The following KCNH7 variants were observed in gnomAD, a reference collection of about 807,000 sequenced individuals.
KCNH7 encodes potassium voltage-gated channel subfamily H member 7, also known as voltage-gated inwardly rectifying potassium channel KCNH7.
A neutral mutation model predicts 120.8 loss-of-function variants in KCNH7; 49 were observed. The ratio of observed to expected loss-of-function variants is 0.41; its 90% CI spans 0.32 to 0.51. KCNH7 has a LOEUF of 0.51. Ranked by LOEUF, KCNH7 falls within the 20% of genes least tolerant of loss-of-function variation. The probability of loss-of-function intolerance (pLI) is 0.38; values close to 1 mark genes in which losing one functional copy is unlikely to be tolerated. For missense variants in KCNH7, 1,097 were observed against 1,446.6 expected (o/e 0.76, Z 3.92); for synonymous variants, 547 against 516.1 (o/e 1.06, Z -0.81).
chr2:162,657,499 T>C (rs1251978081), intron 2 of KCNH7, among the ~76,000 whole-genome samples: 1 of 152,236 alleles, frequency 6.6e-6, no homozygotes, highest in Non-Finnish European at 1.5e-5. Flanking sequence ...TGAAAGCTTT[T>C]TATTACTATT....
At chr2:162,567,437 G>A (rs947823209) in intron 2 of KCNH7, among the ~76,000 whole-genome samples, 1 of 151,930 alleles carries the variant, frequency 6.6e-6, no homozygotes, top group Non-Finnish European at 1.5e-5. Context: ...CATACATGTT[G>A]ATTTTCTGTA....
intron 2 of KCNH7, among the ~76,000 whole-genome samples, chr2:162,598,096 G>A (rs945053486): frequency 1.3e-5 from 2 of 151,942 alleles, no homozygotes; most frequent in Non-Finnish European, 2.9e-5. Context: ...CTTAGAGATA[G>A]CTGATAACAG....
At chr2:162,463,809 A>T (rs564609586) in intron 6 of KCNH7, among the ~76,000 whole-genome samples, 2 of 151,274 alleles carry the variant, frequency 1.3e-5, no homozygotes, top group African/African-American at 4.9e-5. Context: ...TATAACAAAA[A>T]AGTAAAAAAA....
chr2:162,385,791 C>G (rs1161557417), intron 12 of KCNH7, among the ~76,000 whole-genome samples: 6 of 151,888 alleles, frequency 4.0e-5, no homozygotes, highest in Non-Finnish European at 4.4e-5. Context: ...TCCATCCACT[C>G]TACGCCTCAG....
intron 2 of KCNH7, among the ~76,000 whole-genome samples, chr2:162,628,375 C>T (rs974282462): frequency 1.3e-5 from 2 of 152,076 alleles, no homozygotes; most frequent in African/African-American, 4.8e-5. Context: ...TGATGCCTTA[C>T]CCCATCCTTT....
chr2:162,777,679 A>G (rs1683296588), intron 2 of KCNH7, among the ~76,000 whole-genome samples: 1 of 152,134 alleles, frequency 6.6e-6, no homozygotes, highest in African/African-American at 2.4e-5. Context: ...TCCTCATTAT[A>G]CAAAGAAGAA....
chr2:162,377,768 C>A (rs938596344), intron 14 of KCNH7, among the ~76,000 whole-genome samples: 1 of 152,138 alleles, frequency 6.6e-6, no homozygotes, highest in Non-Finnish European at 1.5e-5. Flanking sequence ...ACTACTTTCA[C>A]AGCAGCAATT....
At chr2:162,722,347 C>T (rs929888832) in intron 2 of KCNH7, among the ~76,000 whole-genome samples, 1 of 151,780 alleles carries the variant, frequency 6.6e-6, no homozygotes, top group African/African-American at 2.4e-5. Context: ...ATGAAAAAAT[C>T]CAAATAATAA....
intron 2 of KCNH7, among the ~76,000 whole-genome samples, chr2:162,753,686 C>T (rs1239627625): frequency 6.6e-6 from 1 of 151,922 alleles, no homozygotes; most frequent in Admixed American, 6.6e-5. Context: ...GAGGAGTTGC[C>T]ACAGATGGGA....
intron 2 of KCNH7, among the ~76,000 whole-genome samples, chr2:162,545,040 T>C (rs1378196254): frequency 6.6e-6 from 1 of 152,100 alleles, no homozygotes; most frequent in Non-Finnish European, 1.5e-5. Context: ...GGAGAAAACC[T>C]TATCTCAGAG....
chr2:162,611,353 A>G (rs1682956703), intron 2 of KCNH7, among the ~76,000 whole-genome samples: 1 of 152,234 alleles, frequency 6.6e-6, no homozygotes, highest in African/African-American at 2.4e-5. Flanking sequence ...ATTCCGTGAC[A>G]TAAGTAGCCA....
At chr2:162,489,085 T>C (rs1379130731) in intron 6 of KCNH7, among the ~76,000 whole-genome samples, 1 of 152,232 alleles carries the variant, frequency 6.6e-6, no homozygotes, top group Non-Finnish European at 1.5e-5. Context: ...TGTGATTGTA[T>C]TGATATGCAT....
At chr2:162,505,815 G>A (rs758471506) in intron 5 of KCNH7, among the ~76,000 whole-genome samples, 23 of 151,708 alleles carry the variant, frequency 1.5e-4, no homozygotes, top group African/African-American at 3.1e-4. Flanking sequence ...TCAAAATGAC[G>A]TGAACCCATT....
chr2:162,564,784 C>T (rs1327465005), intron 2 of KCNH7, among the ~76,000 whole-genome samples: 4 of 152,148 alleles, frequency 2.6e-5, no homozygotes, highest in Non-Finnish European at 5.9e-5. Flanking sequence ...AGGCTAGATC[C>T]GCATTCTGTT....
chr2:162,456,967 G>A (rs1311970262), intron 6 of KCNH7, among the ~76,000 whole-genome samples: 4 of 151,828 alleles, frequency 2.6e-5, no homozygotes, highest in African/African-American at 2.4e-5. Flanking sequence ...TAGAATTACA[G>A]AATTATTATT....
At chr2:162,681,784 G>A (rs1231484722) in intron 2 of KCNH7, among the ~76,000 whole-genome samples, 1 of 150,134 alleles carries the variant, frequency 6.7e-6, no homozygotes, top group Non-Finnish European at 1.5e-5. Context: ...CATAAAGAGA[G>A]TTCAAGTCAA....
At chr2:162,763,159 T>C (rs1381398775) in intron 2 of KCNH7, among the ~76,000 whole-genome samples, 3 of 152,128 alleles carry the variant, frequency 2.0e-5, no homozygotes, top group Non-Finnish European at 4.4e-5. Context: ...TAACTTTGTC[T>C]CAACTGTACA....
At chr2:162,753,009 A>AAAAGAAAAG (rs1688650777) in intron 2 of KCNH7, among the ~76,000 whole-genome samples, 2 of 148,640 alleles carry the variant, frequency 1.3e-5, no homozygotes. Flanking sequence ...AAAAGAAAAG[A>AAAAGAAAAG]AAAGAAAAGA....
intron 7 of KCNH7, among the ~76,000 whole-genome samples, chr2:162,436,703 A>G (rs995615651): frequency 2.6e-5 from 4 of 152,224 alleles, no homozygotes; most frequent in Non-Finnish European, 5.9e-5. Flanking sequence ...ATCCAACTAC[A>G]TTAAGAACAC....
Sources: gnomAD v4.1 joint callset for allele counts (sites outside exome capture counted in the v4.1 genomes callset) on GRCh38, gnomAD v4.1.1 for gene constraint, MANE v1.5 for transcripts, NCBI Gene and HGNC (gene_info 2026-07-23, HGNC 2026-07-21) for gene names.